The following CREBBP variants were observed in gnomAD, a reference collection of about 807,000 sequenced individuals.
CREBBP encodes the protein CREB binding lysine acetyltransferase.
A neutral mutation model predicts 265.0 loss-of-function variants in CREBBP; 19 were observed. The ratio of observed to expected loss-of-function variants is 0.07; its 90% CI spans 0.05 to 0.11. The LOEUF is 0.11. CREBBP is among the 10% of genes least tolerant of loss of function. CREBBP has a pLI of 1.00. For synonymous variants in CREBBP, 1,457 were observed against 1,223.7 expected (o/e 1.19, Z -3.98); for missense variants, 2,525 against 3,219.0 (o/e 0.78, Z 5.22).
At chr16:3,751,699 C>A (rs2052478169) in intron 20 of CREBBP, 27 bp downstream of exon 20, 2 of 1,610,606 alleles carry the variant, frequency 1.2e-6, no homozygotes, top group Non-Finnish European at 1.7e-6. Flanking sequence ...TCCCTCACCC[C>A]AGAGAAAATG....
At chr16:3,813,050 T>C (rs888186391) in intron 2 of CREBBP, 5 of 227,996 alleles carry the variant, frequency 2.2e-5, no homozygotes, top group Middle Eastern at 2.5e-3. Context: ...TCGTATTATT[T>C]CTTTCAGCTC....
chr16:3,773,007 G>C (rs2053051507), intron 13 of CREBBP, among the ~76,000 whole-genome samples: 1 of 151,270 alleles, frequency 6.6e-6, no homozygotes, highest in African/African-American at 2.4e-5. Context: ...AGAATCGCTT[G>C]AACCCGGGAG....
intron 1 of CREBBP, among the ~76,000 whole-genome samples, chr16:3,879,320 A>G (rs1401187339): frequency 1.3e-5 from 2 of 152,160 alleles, no homozygotes; most frequent in Non-Finnish European, 2.9e-5. Flanking sequence ...CACTCATTCC[A>G]AGAAACTTCG....
rs2053842499 is a variant in CREBBP at position 3,806,950 on chromosome 16, T to C, written c.975+3653A>G. 2.0e-5 allele frequency among the ~76,000 whole-genome samples: 3 copies of C among 152,212 alleles called. No homozygotes were observed. The South Asian group carries it at 6.2e-4, about 31-fold the overall frequency. On this transcript the variant is annotated intron_variant, in intron 3 of 30. Coordinates refer to ENST00000262367, the MANE Select transcript of CREBBP (RefSeq NM_004380.3). Reference sequence around the variant, plus strand: ...CTTGCCTTTAAATCTCCTTCCTCAATGTGGCCTTCTCTGATGGCTCCATCT... The same window carrying C: ...CTTGCCTTTAAATCTCCTTCCTCAACGTGGCCTTCTCTGATGGCTCCATCT...
Position 3,728,085 on chromosome 16 carries a change from A to G in CREBBP, c.6962T>C (p.Leu2321Pro), listed in dbSNP as rs2151300176. ...ATGCGAGGCCTGTGGCTGTCCTGAG[A>G]GCATGTGTTGCTGGGGGCTCATGGG... ...PNPMSPQQHM[L>P]SGQPQASHLP... Residue 2321 changes from leucine (L) to proline (P), a missense_variant, in exon 31 of 31, where the codon CTC (leucine) becomes CCC (proline). Transcript: ENST00000262367. The surrounding 1 kb of genome is among the most constrained non-coding windows in gnomAD (Gnocchi z 8.7). 2 of 1,614,010 alleles carry G rather than the reference A, an allele frequency of 1.2e-6. No individual in the cohort carries two copies.
intron 21 of CREBBP, among the ~76,000 whole-genome samples, chr16:3,746,523 A>G (rs1175341715): frequency 6.6e-6 from 1 of 152,108 alleles, no homozygotes; most frequent in Non-Finnish European, 1.5e-5. Context: ...CAACTCAGCC[A>G]CTGAGCTCAT....
chr16:3,846,336 C>A (rs1402402909), intron 2 of CREBBP, among the ~76,000 whole-genome samples: 1 of 152,208 alleles, frequency 6.6e-6, no homozygotes, highest in Non-Finnish European at 1.5e-5. Flanking sequence ...AAGATTTGGA[C>A]AGAGGCTCAA....
chr16:3,739,304 GTCCCA>G (rs2052144498), intron 25 of CREBBP: 1 of 500,028 alleles, frequency 2.0e-6, no homozygotes, highest in Admixed American at 3.3e-5. Flanking sequence ...GTGCCAGGCT[GTCCCA>G]TCCCAACTCC....
intron 1 of CREBBP, among the ~76,000 whole-genome samples, chr16:3,876,920 ATGAGCAGCACCCTGGC>A (rs1452759417): frequency 6.6e-6 from 1 of 152,194 alleles, no homozygotes; most frequent in Non-Finnish European, 1.5e-5. Context: ...ATGCCCCCAG[ATGAGCAGCACCCTGGC>A]TGAGCAGCTC....
chr16:3,761,699 C>T, intron 16 of CREBBP: 1 of 443,550 alleles, frequency 2.3e-6, no homozygotes, highest in Non-Finnish European at 4.4e-6. Flanking sequence ...GCACACGGTC[C>T]CCAGCACTTG....
At position 3,810,461 on chromosome 16, in the gene CREBBP, C is replaced by G; in HGVS notation, c.975+142G>C. 3.3e-6 allele frequency: 3 copies of G among 917,058 alleles called. No homozygotes were observed. The Admixed American group carries it at 5.6e-5, about 17-fold the overall frequency. The allele number at this position is 917,058 out of a possible 1,614,324, so 56.8% of individuals were successfully genotyped here. ...GAAAATGTTAAACTCATTTAGAGAG[C>G]TACTCATGAGAAATCTGGGTTCTCT... On this transcript the variant is annotated intron_variant, in intron 3 of 30. Coordinates refer to ENST00000262367, the MANE Select transcript of CREBBP (RefSeq NM_004380.3).
intron 1 of CREBBP, among the ~76,000 whole-genome samples, chr16:3,859,797 G>T (rs1024425384): frequency 2.6e-5 from 4 of 152,110 alleles, no homozygotes; most frequent in Admixed American, 6.5e-5. Flanking sequence ...ACCTGGACGG[G>T]GCAAAAAGGC....
Position 3,876,829 on chromosome 16 carries a change from C to T in CREBBP, c.85+3003G>A, listed in dbSNP as rs544366586. Among the ~76,000 whole-genome samples, 26 of 152,318 alleles carry T rather than the reference C, an allele frequency of 1.7e-4. No individual in the cohort carries two copies. In the South Asian group the frequency reaches 5.4e-3, roughly 32 times the overall value. On this transcript the variant is annotated intron_variant, in intron 1 of 30. Transcript: ENST00000262367. ...TCTGCATAAGCTTCCCAGGCTTCGGCAACTTGTTTGTCATCAGTGGCAGTG... is the reference window on the plus strand; with the variant it reads ...TCTGCATAAGCTTCCCAGGCTTCGGTAACTTGTTTGTCATCAGTGGCAGTG...
chr16:3,839,720 G>A (rs1190124450), intron 2 of CREBBP, among the ~76,000 whole-genome samples: 1 of 136,052 alleles, frequency 7.4e-6, no homozygotes, highest in Non-Finnish European at 1.6e-5. Flanking sequence ...AAGGGGAGGG[G>A]AGGGGGAGGG....
chr16:3,732,584 G>A (rs776314969), intron 28 of CREBBP, among the ~76,000 whole-genome samples: 48 of 151,998 alleles, frequency 3.2e-4, no homozygotes, highest in South Asian at 4.1e-4. Flanking sequence ...TTTGAGAGAC[G>A]GAGTTTTGCT....
chr16:3,824,802 G>T (rs2054207541), intron 2 of CREBBP, among the ~76,000 whole-genome samples: 1 of 152,180 alleles, frequency 6.6e-6, no homozygotes, highest in Non-Finnish European at 1.5e-5. Flanking sequence ...GTTTTTAGGG[G>T]AGAAAACACA....
Position 3,738,749 on chromosome 16 carries a change from TG to T in CREBBP, c.4281-78del, listed in dbSNP as rs890848032. 3 of 948,128 alleles carry T rather than the reference TG, an allele frequency of 3.2e-6. No homozygotes were observed. The African/African-American group carries it at 4.9e-5, about 15-fold the overall frequency. The allele number at this position is 948,128 out of a possible 1,614,324, so 58.7% of individuals were successfully genotyped here. A position where few individuals can be genotyped will look rare whatever the true frequency, so the allele number is the denominator to read the frequency against. On this transcript the variant is annotated intron_variant, in intron 25 of 30. Transcript: ENST00000262367. ...CAAACACAAGCAACAAACAACACCC[TG>T]GAAGTTTACTTTTTAGACAGGGTCT...
intron 3 of CREBBP, among the ~76,000 whole-genome samples, chr16:3,794,199 G>A (rs1256942014): frequency 1.3e-5 from 2 of 151,882 alleles, no homozygotes; most frequent in Admixed American, 6.6e-5. Flanking sequence ...AGGCGTGGTG[G>A]CGGGTGCCTG....
At chr16:3,733,089 G>A (rs930565805) in intron 28 of CREBBP, among the ~76,000 whole-genome samples, 7 of 152,032 alleles carry the variant, frequency 4.6e-5, no homozygotes, top group Non-Finnish European at 8.8e-5. Flanking sequence ...CCAGCCGGGC[G>A]GGGTGGCTCA....
Sources: gnomAD v4.1 joint callset for allele counts (sites outside exome capture counted in the v4.1 genomes callset) on GRCh38, gnomAD v4.1.1 for gene constraint, Gnocchi (gnomAD v3.1) non-coding constraint, MANE v1.5 for transcripts, NCBI Gene and HGNC (gene_info 2026-07-23, HGNC 2026-07-21) for gene names.